ALDH16A1: variants seen among roughly 807,000 people sequenced by gnomAD.
ALDH16A1 encodes the protein aldehyde dehydrogenase 16 family member A1.
ALDH16A1 carries 88 observed loss-of-function variants against 96.1 expected under a neutral mutation model. That is an observed-to-expected ratio of 0.92 (90% CI 0.77 to 1.09). The LOEUF is 1.09. Ranked by LOEUF, ALDH16A1 falls within the 50% of genes least tolerant of loss-of-function variation. The pLI is 0.00. For synonymous variants in ALDH16A1, 522 were observed against 496.4 expected, an observed-to-expected ratio of 1.05 and a Z score of -0.69; for missense variants, 1,250 against 1,112.6, an observed-to-expected ratio of 1.12 and a Z score of -1.76.
At chr19:49,457,642 C>T (rs1378549957) in intron 1 of ALDH16A1, among the ~76,000 whole-genome samples, 2 of 151,196 alleles carry the variant, frequency 1.3e-5, no homozygotes, top group Admixed American at 1.3e-4. Context: ...CAGAGCCTTG[C>T]TCTGTTACTC....
At chr19:49,460,407 T>A (rs373408158) in intron 4 of ALDH16A1, among the ~76,000 whole-genome samples, 4 of 146,368 alleles carry the variant, frequency 2.7e-5, no homozygotes, top group South Asian at 2.1e-4. Flanking sequence ...CTGACTAGTT[T>A]TTGTTTTTGT....
rs866685432 is a variant in ALDH16A1, at chr19:49,453,357, G to A, written c.26G>A (p.Arg9His). The A allele has an allele frequency of 8.3e-6, 13 of 1,556,944 alleles. No individual in the cohort carries two copies. Among genetic ancestry groups the A allele is most frequent in the East Asian group, 2.4e-5 (1 of 42,314 alleles). The change falls in exon 1 of 17, where the codon CGC (arginine) becomes CAC (histidine). Residue 9 changes from arginine to histidine, a missense_variant. Physicochemically the swap from Arg to His is conservative, Grantham distance 29 (BLOSUM62 0). Coordinates refer to ENST00000293350, the MANE Select transcript of ALDH16A1 (RefSeq NM_153329.4). ...ATGGCTGCGACGCGTGCAGGGCCCC[G>A]CGCCCGCGAGATCTTCACCTCGCTG... is the stretch of plus-strand genomic sequence containing the variant. Reference protein sequence around the residue: MAATRAGPRAREIFTSLEY... With the variant: MAATRAGPHAREIFTSLEY...
At chr19:49,469,999 A>C (rs2079231792) in intron 16 of ALDH16A1, 2 of 276,236 alleles carry the variant, frequency 7.2e-6, no homozygotes, top group South Asian at 1.2e-4. Context: ...TACAGGAGCG[A>C]GTCACCGCGC....
rs75134359 is a variant in ALDH16A1, at chr19:49,461,832, C to G, written c.759+32C>G. The G allele has an allele frequency of 1.4e-4, 225 of 1,602,398 alleles. 1 individual carries two copies. The highest frequency in any genetic ancestry group is 1.8e-4 in the Non-Finnish European group (212 of 1,175,044). On this transcript the variant is annotated intron_variant, in intron 6 of 16. Transcript: ENST00000293350. Reference sequence around the variant, plus strand: ...TCGGGACAGGGGTCGTGGCGGAACGCGGCTGGGGGCCGCAAGGCTCCTCCT... The same window carrying G: ...TCGGGACAGGGGTCGTGGCGGAACGGGGCTGGGGGCCGCAAGGCTCCTCCT...
intron 1 of ALDH16A1, among the ~76,000 whole-genome samples, chr19:49,456,271 A>G (rs974070448): frequency 6.6e-6 from 1 of 152,188 alleles, no homozygotes; most frequent in Non-Finnish European, 1.5e-5. Flanking sequence ...CAAATCCTGG[A>G]TGTCACAGTA....
Position 49,470,616 on chromosome 19 carries a change from G to A in ALDH16A1, c.*149G>A. ...CTGTGCTTCTGCGAGAAGAAAGGGT[G>A]TAGCAACTTCTGGCAGATATGAGGC... On this transcript the variant is annotated 3_prime_UTR_variant, in exon 17 of 17. Coordinates refer to ENST00000293350, the MANE Select transcript of ALDH16A1 (RefSeq NM_153329.4). 2 of 751,682 alleles carry A rather than the reference G, an allele frequency of 2.7e-6. No homozygotes were observed. Among genetic ancestry groups the A allele is most frequent in the Non-Finnish European group, 1.9e-6 (1 of 532,770 alleles). The allele number at this position is 751,682 out of a possible 1,614,324, so 46.6% of individuals were successfully genotyped here. A position where few individuals can be genotyped will look rare whatever the true frequency, so the allele number is the denominator to read the frequency against.
At position 49,468,159 on chromosome 19, in the gene ALDH16A1, CAAAAAA is replaced by C; in HGVS notation, c.1939-212_1939-207del. On this transcript the variant is annotated intron_variant, in intron 14 of 16. Coordinates refer to ENST00000293350, the MANE Select transcript of ALDH16A1 (RefSeq NM_153329.4). The surrounding 1 kb of genome is among the most constrained non-coding windows in gnomAD (Gnocchi z 4.4). Reference sequence around the variant, plus strand: ...AGGGCGACAGAGTGAGAGTCCGTCTCAAAAAAAAAAAAAAAGAAAGGCGGTTATGCA... The same window carrying C: ...AGGGCGACAGAGTGAGAGTCCGTCTCAAAAAAAAAGAAAGGCGGTTATGCA... The C allele has an allele frequency of 2.4e-6, 1 of 410,238 alleles. No homozygotes were observed. Among genetic ancestry groups the C allele is most frequent in the East Asian group, 4.2e-5 (1 of 23,986 alleles). The allele number at this position is 410,238 out of a possible 1,614,324, so 25.4% of individuals were successfully genotyped here.
intron 1 of ALDH16A1, among the ~76,000 whole-genome samples, chr19:49,454,873 C>T (rs2079095391): frequency 6.6e-6 from 1 of 152,092 alleles, no homozygotes; most frequent in Admixed American, 6.5e-5. Context: ...AATCCCAGCA[C>T]TTTGGGAGTC....
Position 49,462,661 on chromosome 19 carries a change from G to A in ALDH16A1, c.1004G>A (p.Gly335Glu), listed in dbSNP as rs944159828. 1.8e-5 allele frequency: 29 copies of A among 1,611,690 alleles called. No homozygotes were observed. Among genetic ancestry groups the A allele is most frequent in the Admixed American group, 6.7e-5 (4 of 59,788 alleles). Residue 335 changes from glycine (G) to glutamate (E), a missense_variant, in exon 8 of 17, where the codon GGG becomes GAG. Coordinates refer to ENST00000293350, the MANE Select transcript of ALDH16A1 (RefSeq NM_153329.4). ...ERMGRLRSGR[G>E]LDGAVDMGAR... The stretch of plus-strand genomic sequence containing the variant: ...ATGGGGCGGCTTCGGAGTGGCCGAG[G>A]GCTGGATGGGGCCGTGGACATGGGG...
Position 49,458,598 on chromosome 19 carries a change from G to T in ALDH16A1, c.193+10G>T. 1 of 1,553,752 alleles carries T rather than the reference G, an allele frequency of 6.4e-7. No homozygotes were observed. The highest frequency in any genetic ancestry group is 1.4e-5 in the African/African-American group (1 of 73,424). Reference sequence around the variant, plus strand: ...CAGGATCCCATCACAGGTACGAGATGTCCCCCAGTCATTAGTGGAAGGGAG... The same window carrying T: ...CAGGATCCCATCACAGGTACGAGATTTCCCCCAGTCATTAGTGGAAGGGAG... On this transcript the variant is annotated intron_variant, in intron 2 of 16. Transcript: ENST00000293350.
At position 49,462,763 on chromosome 19, in the gene ALDH16A1, AG is replaced by A. The variant is rs749750706; in HGVS notation, c.1098+13del. 2.3e-5 allele frequency: 36 copies of A among 1,562,424 alleles called. 1 individual carries two copies. Among genetic ancestry groups the A allele is most frequent in the Non-Finnish European group, 2.9e-5 (33 of 1,156,178 alleles). On this transcript the variant is annotated intron_variant, in intron 8 of 16. Coordinates refer to ENST00000293350, the MANE Select transcript of ALDH16A1 (RefSeq NM_153329.4). The stretch of plus-strand genomic sequence containing the variant: ...CAGAGCCAGGGTGCACAGGTGAGGC[AG>A]GGGGTAGAGACTTGAGGGTGTCAGG...
rs1291200219 is a variant in ALDH16A1, at chr19:49,459,277, C to A, written c.320+191C>A. Reference sequence around the variant, plus strand: ...GTCCACTATTCACTGGGACTAGAAGCCACAAAGCCTCTATTTCCCAGGACA... The same window carrying A: ...GTCCACTATTCACTGGGACTAGAAGACACAAAGCCTCTATTTCCCAGGACA... On this transcript the variant is annotated intron_variant, in intron 3 of 16. Transcript: ENST00000293350. This position sits in a 1 kb window ranked among gnomAD's most constrained non-coding sequence, Gnocchi z 4.1. Among the ~76,000 whole-genome samples, 2 of 152,320 alleles carry A rather than the reference C, an allele frequency of 1.3e-5. No homozygotes were observed. The highest frequency in any genetic ancestry group is 3.9e-4 in the East Asian group (2 of 5,186).
At chr19:49,456,680 A>G (rs1226569130) in intron 1 of ALDH16A1, among the ~76,000 whole-genome samples, 1 of 152,216 alleles carries the variant, frequency 6.6e-6, no homozygotes, top group Non-Finnish European at 1.5e-5. Flanking sequence ...GTGAGCTACC[A>G]TGCCCGGCCA....
In ALDH16A1 at chr19:49,464,141, G is replaced by A. The variant is rs1330198896; in HGVS notation, c.1209G>A (p.Val403=). Residue 403 remains valine, a synonymous_variant, in exon 10 of 17, where the codon GTG becomes GTA. Coordinates refer to ENST00000293350, the MANE Select transcript of ALDH16A1 (RefSeq NM_153329.4). The stretch of plus-strand genomic sequence containing the variant: ...ACCCCTTGCAGGTGCCGTGGCCTGT[G>A]GTCGTGGCCTCCCCCTTCCGCACAG... The part of the protein sequence containing the change: ...PCAQVEVPWP[V]VVASPFRTAK... The A allele has an allele frequency of 1.2e-6, 2 of 1,608,470 alleles. No homozygotes were observed. Among genetic ancestry groups the A allele is most frequent in the Middle Eastern group, 1.7e-4 (1 of 5,968 alleles).
chr19:49,464,813 T>A, intron 12 of ALDH16A1, 51 bp downstream of exon 12: 1 of 1,608,532 alleles, frequency 6.2e-7, no homozygotes, highest in Non-Finnish European at 8.5e-7. Context: ...GAGAGGGGAA[T>A]TGATGCCTGT....
At chr19:49,453,575 A>T (rs917625542) in intron 1 of ALDH16A1, 154 bp downstream of exon 1, 3 of 687,650 alleles carry the variant, frequency 4.4e-6, no homozygotes, top group Non-Finnish European at 4.8e-6. Context: ...CGCGCCCTGT[A>T]GGACGCTCCC....
intron 11 of ALDH16A1, 43 bp from the exon 12 acceptor site, chr19:49,464,589 C>T: frequency 1.2e-6 from 2 of 1,613,684 alleles, no homozygotes; most frequent in South Asian, 2.2e-5. Context: ...CGCATCCGGC[C>T]TCGCGTGCCC....
Position 49,464,776 on chromosome 19 carries a change from G to T in ALDH16A1, c.1568+14G>T. The T allele has an allele frequency of 1.2e-6, 2 of 1,613,648 alleles. No homozygotes were observed. The highest frequency in any genetic ancestry group is 2.2e-5 in the East Asian group (1 of 44,880). ...AATAGGGCCCAGGTGAGTCGTTGGG[G>T]GCCAGTGGTCTGGGAGTGTGAACGG... On this transcript the variant is annotated intron_variant, in intron 12 of 16. Transcript: ENST00000293350.
In ALDH16A1 at chr19:49,468,206, C is replaced by T. The variant is rs2079215194; in HGVS notation, c.1939-175C>T. ...CGGTTATGCAGGATGTTTCTCACCG[C>T]CCGAACCCCCGTGGAATGATTCACT... On this transcript the variant is annotated intron_variant, in intron 14 of 16. Coordinates refer to ENST00000293350, the MANE Select transcript of ALDH16A1 (RefSeq NM_153329.4). This position sits in a 1 kb window ranked among gnomAD's most constrained non-coding sequence, Gnocchi z 4.4. 1 of 604,080 alleles carries T rather than the reference C, an allele frequency of 1.7e-6. No homozygotes were observed. Among genetic ancestry groups the T allele is most frequent in the Non-Finnish European group, 2.8e-6 (1 of 354,326 alleles). 37.4% of individuals were successfully genotyped at this position (604,080 alleles called of 1,614,324 possible).
Sources: allele counts gnomAD v4.1 joint callset (sites outside exome capture counted in the v4.1 genomes callset), GRCh38; gene constraint gnomAD v4.1.1; non-coding constraint Gnocchi (gnomAD v3.1); transcripts MANE v1.5; gene names NCBI Gene and HGNC (gene_info 2026-07-23, HGNC 2026-07-21).